Variants in NRG1 observed in about 807,000 individuals in gnomAD.
NRG1 encodes the protein pro-neuregulin-1, membrane-bound isoform.
Under a neutral mutation model 63.8 loss-of-function variants are expected in NRG1, and 18 were observed. The observed-to-expected ratio is 0.28, with a 90% CI of 0.19 to 0.42. NRG1 has a LOEUF of 0.42. Among genes scored for constraint, NRG1 ranks in the 10% least tolerant of loss-of-function variants. The pLI, the probability that NRG1 is intolerant of heterozygous loss-of-function variation, is 1.00. For synonymous variants in NRG1, 302 were observed against 301.3 expected (o/e 1.00, Z -0.02); for missense variants, 762 against 814.7 (o/e 0.94, Z 0.79).
chr8:31,937,418 A>G (rs1230028994), intron 1 of NRG1, among the ~76,000 whole-genome samples: 1 of 152,228 alleles, frequency 6.6e-6, no homozygotes, highest in Non-Finnish European at 1.5e-5. Context: ...AAAAGATTTT[A>G]AGTATTAGGG....
intron 1 of NRG1, among the ~76,000 whole-genome samples, chr8:32,439,761 C>A (rs899798267): frequency 7.2e-5 from 10 of 138,002 alleles, no homozygotes; most frequent in East Asian, 4.7e-4. Context: ...ACTAAAAAAT[C>A]GAATAAGTGA....
intron 1 of NRG1, among the ~76,000 whole-genome samples, chr8:31,875,061 A>T (rs1829800380): frequency 6.6e-6 from 1 of 152,152 alleles, no homozygotes; most frequent in South Asian, 2.1e-4. Flanking sequence ...AAACAAAGAG[A>T]GTGGCCATCT....
intron 5 of NRG1, among the ~76,000 whole-genome samples, chr8:32,667,118 C>T (rs745830180): frequency 1.3e-5 from 2 of 152,116 alleles, no homozygotes; most frequent in Admixed American, 6.6e-5. Flanking sequence ...CTAGGCTAAT[C>T]GATAGAATCT....
At chr8:32,647,838 C>T (rs755928062) in intron 5 of NRG1, 1 of 1,613,948 alleles carries the variant, frequency 6.2e-7, no homozygotes, top group South Asian at 1.1e-5. Flanking sequence ...CATGCCAGAG[C>T]CCCAGACTGA....
At chr8:31,845,856 C>T (rs1367330204) in intron 1 of NRG1, among the ~76,000 whole-genome samples, 1 of 152,076 alleles carries the variant, frequency 6.6e-6, no homozygotes, top group Non-Finnish European at 1.5e-5. Context: ...ATTTTATAGG[C>T]AACAATATGC....
intron 5 of NRG1, among the ~76,000 whole-genome samples, chr8:32,726,221 G>T (rs546658907): frequency 2.4e-4 from 36 of 151,952 alleles, no homozygotes; most frequent in Non-Finnish European, 4.7e-4. Context: ...CATCTTTGAA[G>T]TCCCCAGATT....
In NRG1 at chr8:31,640,330, G is replaced by C. The variant is rs1002428380; in HGVS notation, c.37+899G>C. ...GGCAGGGGCGTGGGGCGGCGATCGC[G>C]AGCCGCCAGCCGCGGGCCCACGGGC... On this transcript the variant is annotated intron_variant, in intron 1 of 10. Transcript: ENST00000519301. This position sits in a 1 kb window ranked among gnomAD's most constrained non-coding sequence, Gnocchi z 6.3. The C allele has an allele frequency of 4.2e-6, 5 of 1,178,774 alleles. No individual in the cohort carries two copies. Among genetic ancestry groups the C allele is most frequent in the East Asian group, 7.5e-5 (2 of 26,616 alleles). 73.0% of individuals were successfully genotyped at this position (1,178,774 alleles called of 1,614,324 possible). A position where few individuals can be genotyped will look rare whatever the true frequency, so the allele number is the denominator to read the frequency against.
intron 5 of NRG1, among the ~76,000 whole-genome samples, chr8:32,621,022 G>C (rs1262861397): frequency 2.0e-5 from 3 of 151,942 alleles, no homozygotes; most frequent in Non-Finnish European, 4.4e-5. Context: ...GTTTTTAAGG[G>C]ATTTTTTCAT....
intron 1 of NRG1, among the ~76,000 whole-genome samples, chr8:31,660,427 A>G (rs921494870): frequency 2.6e-5 from 4 of 152,362 alleles, no homozygotes; most frequent in Admixed American, 2.6e-4. Flanking sequence ...CTGGGTATAT[A>G]GAATTGTTTC....
At chr8:31,761,906 C>T (rs947279923) in intron 1 of NRG1, among the ~76,000 whole-genome samples, 14 of 152,122 alleles carry the variant, frequency 9.2e-5, no homozygotes, top group African/African-American at 3.1e-4. Context: ...AATACAGTAT[C>T]TTTCAAGTAC....
At chr8:32,372,928 T>G (rs1402375787) in intron 1 of NRG1, among the ~76,000 whole-genome samples, 1 of 152,180 alleles carries the variant, frequency 6.6e-6, no homozygotes, top group East Asian at 1.9e-4. Flanking sequence ...AGTGACAGCA[T>G]GTGTCGATGC....
chr8:32,714,167 A>G (rs1818582372), intron 5 of NRG1, among the ~76,000 whole-genome samples: 1 of 152,174 alleles, frequency 6.6e-6, no homozygotes, highest in Non-Finnish European at 1.5e-5. Context: ...TGTCATTTCT[A>G]TTCTGTTTCA....
chr8:32,646,653 G>C, intron 5 of NRG1: 1 of 977,150 alleles, frequency 1.0e-6, no homozygotes, highest in Non-Finnish European at 1.2e-6. Flanking sequence ...CTGGCAAGGT[G>C]GGGGTGGAAG....
intron 1 of NRG1, among the ~76,000 whole-genome samples, chr8:32,080,044 A>T (rs1827214129): frequency 6.6e-6 from 1 of 151,992 alleles, no homozygotes; most frequent in Non-Finnish European, 1.5e-5. Flanking sequence ...AAACTCAATT[A>T]AAAAAAAGAC....
chr8:32,079,831 T>C (rs1274186911), intron 1 of NRG1, among the ~76,000 whole-genome samples: 1 of 152,132 alleles, frequency 6.6e-6, no homozygotes, highest in Non-Finnish European at 1.5e-5. Flanking sequence ...GTGGAAATAA[T>C]ATATCAAGGA....
chr8:31,704,856 A>G (rs1292407003), intron 1 of NRG1, among the ~76,000 whole-genome samples: 2 of 150,788 alleles, frequency 1.3e-5, no homozygotes, highest in Non-Finnish European at 3.0e-5. Context: ...AAAAGAAATT[A>G]CTTACTATGA....
intron 1 of NRG1, among the ~76,000 whole-genome samples, chr8:32,012,786 A>C (rs958811526): frequency 6.6e-6 from 1 of 152,156 alleles, no homozygotes; most frequent in Non-Finnish European, 1.5e-5. Flanking sequence ...ACCTCAGCAC[A>C]TGCTCCAGAA....
At chr8:32,351,729 A>G (rs1586984271) in intron 1 of NRG1, among the ~76,000 whole-genome samples, 4 of 152,150 alleles carry the variant, frequency 2.6e-5, no homozygotes. Context: ...GCTTCCTGGC[A>G]CCCTGACCTG....
intron 1 of NRG1, among the ~76,000 whole-genome samples, chr8:31,733,883 T>C (rs1268294822): frequency 6.6e-6 from 1 of 152,160 alleles, no homozygotes; most frequent in Non-Finnish European, 1.5e-5. Context: ...TTCCGAAAGA[T>C]ATAAATTTCC....
Sources: gnomAD v4.1 joint callset for allele counts (sites outside exome capture counted in the v4.1 genomes callset) on GRCh38, gnomAD v4.1.1 for gene constraint, Gnocchi (gnomAD v3.1) non-coding constraint, MANE v1.5 for transcripts, NCBI Gene and HGNC (gene_info 2026-07-23, HGNC 2026-07-21) for gene names.